ROR2: variants seen among roughly 807,000 people sequenced by gnomAD.
ROR2 encodes tyrosine-protein kinase transmembrane receptor ROR2.
In ROR2, 33 loss-of-function variants were observed where a neutral mutation model predicts 74.9. The observed-to-expected ratio is 0.44, with a 90% CI of 0.33 to 0.59. The LOEUF (loss-of-function observed/expected upper bound fraction) is 0.59, where lower values mean the gene tolerates loss of function less well. Ranked by LOEUF, ROR2 falls within the 20% of genes least tolerant of loss-of-function variation. ROR2 has a pLI of 0.02. For missense variants in ROR2, 1,216 were observed against 1,313.8 expected, an observed-to-expected ratio of 0.93 and a Z score of 1.15; for synonymous variants, 586 against 558.7, an observed-to-expected ratio of 1.05 and a Z score of -0.69.
intron 1 of ROR2, among the ~76,000 whole-genome samples, chr9:91,778,375 C>T (rs996428666): frequency 6.6e-6 from 1 of 152,308 alleles, no homozygotes; most frequent in South Asian, 2.1e-4. Flanking sequence ...TGAATGATCA[C>T]GGTCGTGCGC....
At chr9:91,908,049 C>T (rs890508958) in intron 1 of ROR2, among the ~76,000 whole-genome samples, 3 of 152,118 alleles carry the variant, frequency 2.0e-5, no homozygotes, top group Non-Finnish European at 4.4e-5. Flanking sequence ...CTGCAAATGC[C>T]GCAAAACCCT....
At chr9:91,859,447 GATC>G (rs2119292761) in intron 1 of ROR2, among the ~76,000 whole-genome samples, 1 of 152,258 alleles carries the variant, frequency 6.6e-6, no homozygotes, top group African/African-American at 2.4e-5. Flanking sequence ...GCCTAAGAAA[GATC>G]TGAAGGCGGC....
intron 1 of ROR2, among the ~76,000 whole-genome samples, chr9:91,891,252 C>CTTTTTTTTTTT (rs59835723): frequency 7.3e-6 from 1 of 136,850 alleles, no homozygotes; most frequent in Non-Finnish European, 1.6e-5. Context: ...CTGTTCCTTT[C>CTTTTTTTTTTT]TTTTTTTTTT....
intron 2 of ROR2, among the ~76,000 whole-genome samples, chr9:91,773,509 T>G (rs1010789647): frequency 6.6e-6 from 1 of 152,244 alleles, no homozygotes; most frequent in African/African-American, 2.4e-5. Context: ...GAACTTTCCG[T>G]GATACTGGAA....
rs563245014 is a variant in ROR2, at chr9:91,861,360, C to A, written c.98-85542G>T. Among the ~76,000 whole-genome samples the A allele has an allele frequency of 3.3e-5, 5 of 152,310 alleles. No homozygotes were observed. The East Asian group carries it at 5.8e-4, about 18-fold the overall frequency. ...ATAAAAGGAACTAAGTTGGAGGACTCATAGACTTCTCAGTAACTGAAGTAG... is the reference window on the plus strand; with the variant it reads ...ATAAAAGGAACTAAGTTGGAGGACTAATAGACTTCTCAGTAACTGAAGTAG... On this transcript the variant is annotated intron_variant, in intron 1 of 8. Coordinates refer to ENST00000375708, the MANE Select transcript of ROR2 (RefSeq NM_004560.4).
intron 1 of ROR2, among the ~76,000 whole-genome samples, chr9:91,926,148 G>A (rs1171525685): frequency 4.6e-5 from 7 of 152,028 alleles, no homozygotes; most frequent in African/African-American, 7.2e-5. Flanking sequence ...TTGGGAGGCC[G>A]AGGCGGGAGG....
At chr9:91,949,158 C>T (rs370294786) in intron 1 of ROR2, among the ~76,000 whole-genome samples, 1 of 151,582 alleles carries the variant, frequency 6.6e-6, no homozygotes, top group Non-Finnish European at 1.5e-5. Flanking sequence ...GCCCCAGCCG[C>T]TCAGGGACCC....
intron 1 of ROR2, among the ~76,000 whole-genome samples, chr9:91,859,072 C>A (rs1237960807): frequency 6.6e-6 from 1 of 152,092 alleles, no homozygotes; most frequent in Non-Finnish European, 1.5e-5. Context: ...TGGGTCCAGC[C>A]AAGTACAAGG....
chr9:91,937,029 C>CAAAAAAAAAAAAAA lies in ROR2; in HGVS notation c.97+12824_97+12837dup, dbSNP rs540672189. ...TGGGCGACAGAGCGAGACTCCGTCT[C>CAAAAAAAAAAAAAA]AAAAAAAAAAAAAAAAAAGATTTCC... On this transcript the variant is annotated intron_variant, in intron 1 of 8. Transcript: ENST00000375708. Among the ~76,000 whole-genome samples, 417 of 65,490 alleles carry CAAAAAAAAAAAAAA rather than the reference C, an allele frequency of 6.4e-3. 6 individuals carry two copies. Among genetic ancestry groups the CAAAAAAAAAAAAAA allele is most frequent in the South Asian group, 0.018 (27 of 1,476 alleles). The allele number at this position is 65,490 out of a possible 152,430, so 43.0% of individuals were successfully genotyped here. A position where few individuals can be genotyped will look rare whatever the true frequency, so the allele number is the denominator to read the frequency against.
At chr9:91,817,119 G>C (rs1480011938) in intron 1 of ROR2, among the ~76,000 whole-genome samples, 1 of 152,206 alleles carries the variant, frequency 6.6e-6, no homozygotes, top group Non-Finnish European at 1.5e-5. Context: ...AGAGGGCAGA[G>C]CTGACATCTG....
chr9:91,901,612 T>C (rs2119435090), intron 1 of ROR2, among the ~76,000 whole-genome samples: 1 of 152,028 alleles, frequency 6.6e-6, no homozygotes, highest in Admixed American at 6.5e-5. Context: ...GGTGAGGAGT[T>C]TGAGACCAGC....
At chr9:91,845,390 G>A (rs1383924550) in intron 1 of ROR2, among the ~76,000 whole-genome samples, 1 of 151,802 alleles carries the variant, frequency 6.6e-6, no homozygotes, top group Non-Finnish European at 1.5e-5. Flanking sequence ...GCAAGAGGAT[G>A]TTCAGAGAGA....
chr9:91,882,718 G>A (rs1830151835), intron 1 of ROR2, among the ~76,000 whole-genome samples: 2 of 151,958 alleles, frequency 1.3e-5, no homozygotes, highest in Non-Finnish European at 2.9e-5. Flanking sequence ...AAGTCATTAG[G>A]GTGGACCCTA....
intron 1 of ROR2, among the ~76,000 whole-genome samples, chr9:91,802,697 C>T (rs73513270): frequency 0.022 from 3,403 of 152,212 alleles, 140 homozygotes; most frequent in African/African-American, 0.077. Flanking sequence ...CCAAGGGAAA[C>T]GGACTGAATC....
intron 1 of ROR2, among the ~76,000 whole-genome samples, chr9:91,819,092 G>T (rs1432621175): frequency 2.0e-5 from 3 of 152,192 alleles, no homozygotes; most frequent in Non-Finnish European, 4.4e-5. Flanking sequence ...TCTAGGGGAG[G>T]GAAATGGCCA....
chr9:91,767,125 A>G (rs1826084526), intron 2 of ROR2, among the ~76,000 whole-genome samples: 1 of 150,994 alleles, frequency 6.6e-6, no homozygotes, highest in Non-Finnish European at 1.5e-5. Flanking sequence ...GCCAGACTGG[A>G]GTGCAGTGGC....
At position 91,763,433 on chromosome 9, in the gene ROR2, T is replaced by G. The variant is rs1452942725; in HGVS notation, c.176-5874A>C. Among the ~76,000 whole-genome samples, 3 of 152,366 alleles carry G rather than the reference T, an allele frequency of 2.0e-5. No homozygotes were observed. The East Asian group carries it at 5.8e-4, about 29-fold the overall frequency. On this transcript the variant is annotated intron_variant, in intron 2 of 8. Coordinates refer to ENST00000375708, the MANE Select transcript of ROR2 (RefSeq NM_004560.4). ...GTGCTTGAAACAATTTGTACTTCAC[T>G]AACAATATCTGAGTTAAAGTGCTTC...
rs144321630 is a variant in ROR2 at position 91,879,929 on chromosome 9, GAGGTC to G, written c.97+69933_97+69937del. 6.5e-3 allele frequency among the ~76,000 whole-genome samples: 996 copies of G among 152,102 alleles called. 14 individuals are homozygous for G. The highest frequency in any genetic ancestry group is 0.022 in the African/African-American group (917 of 41,492). ...TGAGAAGATTCTCAGAAATGTTAAG[GAGGTC>G]AATACTAAGTTTTTCATCACAGTAG... On this transcript the variant is annotated intron_variant, in intron 1 of 8. Coordinates refer to ENST00000375708, the MANE Select transcript of ROR2 (RefSeq NM_004560.4).
Position 91,748,240 on chromosome 9 carries a change from G to A in ROR2, c.494+7831C>T, listed in dbSNP as rs993499822. ...CAGTGAGCCAAGACTGTGCACTGCT[G>A]CACTCCAGCCTGGGCGAAAAAGCGA... is the stretch of plus-strand genomic sequence containing the variant. On this transcript the variant is annotated intron_variant, in intron 4 of 8. Transcript: ENST00000375708. Among the ~76,000 whole-genome samples the A allele has an allele frequency of 8.8e-4, 134 of 151,730 alleles. 1 individual carries two copies. Among genetic ancestry groups the A allele is most frequent in the African/African-American group, 3.2e-3 (131 of 41,208 alleles).
Sources: allele counts gnomAD v4.1 joint callset (sites outside exome capture counted in the v4.1 genomes callset), GRCh38; gene constraint gnomAD v4.1.1; transcripts MANE v1.5; gene names NCBI Gene and HGNC (gene_info 2026-07-23, HGNC 2026-07-21).